The following PDHX variants were observed in gnomAD, a reference collection of about 807,000 sequenced individuals.
The protein encoded by PDHX is pyruvate dehydrogenase protein X component, mitochondrial.
In PDHX, 33 loss-of-function variants were observed where a neutral mutation model predicts 55.3. The observed-to-expected ratio is 0.60, with a 90% CI of 0.45 to 0.80. The LOEUF is 0.80. Among genes scored for constraint, PDHX ranks in the 30% least tolerant of loss-of-function variants. The pLI is 0.00. For synonymous variants in PDHX, 226 were observed against 219.4 expected (o/e 1.03, Z -0.27); for missense variants, 622 against 619.9 (o/e 1.00, Z -0.04).
At chr11:34,923,489 C>A (rs192501448) in intron 1 of PDHX, among the ~76,000 whole-genome samples, 1 of 152,126 alleles carries the variant, frequency 6.6e-6, no homozygotes, top group Non-Finnish European at 1.5e-5. Context: ...TCAGATCTCC[C>A]TGTAATTTGT....
At chr11:34,972,517 T>A (rs1590760863) in intron 7 of PDHX, among the ~76,000 whole-genome samples, 1 of 151,908 alleles carries the variant, frequency 6.6e-6, no homozygotes, top group East Asian at 1.9e-4. Context: ...CACGCCTCAG[T>A]GCCCTGAGTA....
At chr11:34,955,932 G>A (rs1308476931) in intron 3 of PDHX, among the ~76,000 whole-genome samples, 1 of 152,002 alleles carries the variant, frequency 6.6e-6, no homozygotes, top group East Asian at 1.9e-4. Context: ...GTGCTTTTTT[G>A]TATACATTTT....
chr11:34,961,317 A>T (rs538255698), intron 5 of PDHX, among the ~76,000 whole-genome samples: 1 of 152,346 alleles, frequency 6.6e-6, no homozygotes, highest in East Asian at 1.9e-4. Context: ...TTCAAAACAG[A>T]TGGCCCCTGT....
chr11:34,983,702 G>A (rs1855574673), intron 8 of PDHX, among the ~76,000 whole-genome samples: 1 of 152,024 alleles, frequency 6.6e-6, no homozygotes, highest in African/African-American at 2.4e-5. Flanking sequence ...AAATACCTAG[G>A]AATCCAACTT....
intron 2 of PDHX, among the ~76,000 whole-genome samples, chr11:34,935,526 G>T (rs888852141): frequency 2.6e-5 from 4 of 152,110 alleles, no homozygotes; most frequent in Admixed American, 2.6e-4. Flanking sequence ...GCCATGTGTG[G>T]TGGTAGAGTC....
At chr11:34,952,895 C>T (rs1172429361) in intron 3 of PDHX, among the ~76,000 whole-genome samples, 1 of 151,264 alleles carries the variant, frequency 6.6e-6, no homozygotes, top group African/African-American at 2.4e-5. Context: ...AAGAGGAAGT[C>T]AAATTGTCCC....
rs202188706 is a variant in PDHX at position 34,984,684 on chromosome 11, G to C, written c.1138G>C (p.Asp380His). The C allele has an allele frequency of 3.7e-6, 6 of 1,614,114 alleles. No homozygotes were observed. The highest frequency in any genetic ancestry group is 3.4e-6 in the Non-Finnish European group (4 of 1,179,958). Residue 380 changes from aspartate (D) to histidine (H), a missense_variant, in exon 9 of 11, where the codon GAT becomes CAT. Asp to His is a moderately conservative substitution (Grantham distance 81). Transcript: ENST00000227868. ...AGGCTTACTTACTCCAATCATAAAA[G>C]ATGCTGCTGCTAAAGGTATCCAGGA... ...DKGLLTPIIKDAAAKGIQEIA... is the reference protein window; with the variant it reads ...DKGLLTPIIKHAAAKGIQEIA...
intron 1 of PDHX, among the ~76,000 whole-genome samples, chr11:34,918,267 G>A (rs1018003941): frequency 3.5e-5 from 5 of 144,364 alleles, no homozygotes; most frequent in South Asian, 4.7e-4. Context: ...TGAGACCCCC[G>A]TCTCTACTTA....
At chr11:34,955,140 G>T (rs1463825207) in intron 3 of PDHX, among the ~76,000 whole-genome samples, 1 of 152,150 alleles carries the variant, frequency 6.6e-6, no homozygotes, top group Admixed American at 6.5e-5. Context: ...GGCATTTGAG[G>T]TGTCCTTAGC....
intron 1 of PDHX, among the ~76,000 whole-genome samples, chr11:34,922,467 A>G (rs1010013663): frequency 5.9e-5 from 9 of 152,216 alleles, no homozygotes; most frequent in African/African-American, 1.9e-4. Flanking sequence ...TCTGACACCA[A>G]TGCCTGTTTC....
Position 34,947,559 on chromosome 11 carries a change from G to T in PDHX, c.295G>T (p.Val99Leu), listed in dbSNP as rs373211545. ...ATGTGAAATTGAGACTGACAAAGCT[G>T]TGGTTACCTTAGATGCAAGTGATGA... Reference protein sequence around the residue: ...ALCEIETDKAVVTLDASDDGI... With the variant: ...ALCEIETDKALVTLDASDDGI... Residue 99 changes from valine to leucine, a missense_variant, in exon 3 of 11, where the codon GTG becomes TTG. Val to Leu is a conservative substitution (Grantham distance 32). Coordinates refer to ENST00000227868, the MANE Select transcript of PDHX (RefSeq NM_003477.3). 1.2e-6 allele frequency: 2 copies of T among 1,613,686 alleles called. No individual in the cohort carries two copies. Among genetic ancestry groups the T allele is most frequent in the South Asian group, 2.2e-5 (2 of 91,076 alleles).
chr11:34,927,123 T>A (rs945993646), intron 1 of PDHX, among the ~76,000 whole-genome samples: 2 of 152,098 alleles, frequency 1.3e-5, no homozygotes, highest in East Asian at 1.9e-4. Context: ...TAAAAATTTT[T>A]AAAAATGTTT....
At chr11:34,943,490 A>G (rs1347642773) in intron 2 of PDHX, among the ~76,000 whole-genome samples, 3 of 152,130 alleles carry the variant, frequency 2.0e-5, no homozygotes, top group Admixed American at 1.3e-4. Context: ...CTAGTTCTAT[A>G]GTTTTTCCCG....
chr11:34,924,549 A>G (rs1362721509), intron 1 of PDHX, among the ~76,000 whole-genome samples: 1 of 152,126 alleles, frequency 6.6e-6, no homozygotes, highest in East Asian at 1.9e-4. Context: ...AAATCTATTT[A>G]TGGCACCATT....
At chr11:34,982,837 C>G (rs1855548965) in intron 8 of PDHX, among the ~76,000 whole-genome samples, 2 of 152,094 alleles carry the variant, frequency 1.3e-5, no homozygotes. Flanking sequence ...CGAATTCTAC[C>G]AGAGGTACAA....
At chr11:34,990,060 C>T (rs1855726871) in intron 9 of PDHX, among the ~76,000 whole-genome samples, 1 of 152,130 alleles carries the variant, frequency 6.6e-6, no homozygotes, top group Non-Finnish European at 1.5e-5. Context: ...CCAAGGATGC[C>T]ACTGTGGGGG....
chr11:34,978,364 C>T (rs190716900), intron 8 of PDHX, among the ~76,000 whole-genome samples, 182 bp downstream of exon 8: 21 of 152,156 alleles, frequency 1.4e-4, no homozygotes, highest in Non-Finnish European at 2.8e-4. Context: ...CAAAAGGGCT[C>T]ACAATGAATT....
At chr11:34,916,331 G>A (rs753186558), upstream of PDHX, 17 of 1,604,462 alleles carry the variant, frequency 1.1e-5, no homozygotes, top group Non-Finnish European at 1.4e-5. Context: ...GCACGGCTTT[G>A]CGCGCGGCGC....
chr11:34,927,827 G>A (rs1410993383), intron 1 of PDHX, among the ~76,000 whole-genome samples: 2 of 152,082 alleles, frequency 1.3e-5, no homozygotes, highest in Non-Finnish European at 2.9e-5. Flanking sequence ...TAATGGAGAT[G>A]TCCAAAATAT....
Sources: allele counts gnomAD v4.1 joint callset (sites outside exome capture counted in the v4.1 genomes callset), GRCh38; gene constraint gnomAD v4.1.1; transcripts MANE v1.5; gene names NCBI Gene and HGNC (gene_info 2026-07-23, HGNC 2026-07-21).